The following SMOX variants were observed in gnomAD, a reference collection of about 807,000 sequenced individuals.
The protein encoded by SMOX is spermine oxidase.
In SMOX, 22 loss-of-function variants were observed where a neutral mutation model predicts 51.0. That is an observed-to-expected ratio of 0.43 (90% CI 0.31 to 0.62). The LOEUF (loss-of-function observed/expected upper bound fraction) is 0.62, where lower values mean the gene tolerates loss of function less well. Among genes scored for constraint, SMOX ranks in the 20% least tolerant of loss-of-function variants. SMOX has a pLI of 0.10. For missense variants in SMOX, 566 were observed against 777.7 expected (o/e 0.73, Z 3.24); for synonymous variants, 282 against 307.8 (o/e 0.92, Z 0.88).
intron 1 of SMOX, among the ~76,000 whole-genome samples, chr20:4,150,953 T>A (rs1474526611): frequency 6.7e-6 from 1 of 149,290 alleles, no homozygotes; most frequent in African/African-American, 2.5e-5. Context: ...TGCCTCAGCC[T>A]CCCAAGTAGC....
intron 3 of SMOX, among the ~76,000 whole-genome samples, chr20:4,179,555 C>G (rs1445685254): frequency 2.0e-5 from 3 of 152,000 alleles, no homozygotes; most frequent in African/African-American, 7.3e-5. Flanking sequence ...GTATGCAGCC[C>G]CCAAAGATGA....
At chr20:4,157,039 G>A (rs2122388930) in intron 1 of SMOX, among the ~76,000 whole-genome samples, 1 of 152,274 alleles carries the variant, frequency 6.6e-6, no homozygotes, top group Admixed American at 6.5e-5. Flanking sequence ...CGCTGTGCCC[G>A]GCCATCTTCT....
At chr20:4,180,459 T>C (rs562106205) in intron 3 of SMOX, among the ~76,000 whole-genome samples, 2 of 152,312 alleles carry the variant, frequency 1.3e-5, no homozygotes, top group South Asian at 2.1e-4. Context: ...AAACCATTCA[T>C]CAGCTCAGCC....
chr20:4,152,962 G>A (rs536312476), intron 1 of SMOX, among the ~76,000 whole-genome samples: 6 of 152,284 alleles, frequency 3.9e-5, no homozygotes, highest in African/African-American at 1.2e-4. Context: ...CTTGAAATCG[G>A]TCCACTCTGC....
At chr20:4,169,815 G>C (rs549588105) in intron 1 of SMOX, among the ~76,000 whole-genome samples, 30 of 152,310 alleles carry the variant, frequency 2.0e-4, no homozygotes, top group African/African-American at 7.2e-4. Flanking sequence ...TGCATACTAA[G>C]AGAACCCAGA....
chr20:4,157,961 C>T (rs893276429), intron 1 of SMOX, among the ~76,000 whole-genome samples: 10 of 152,042 alleles, frequency 6.6e-5, no homozygotes, highest in South Asian at 2.1e-4. Context: ...AGTGCAGCGG[C>T]GCGATCTCGG....
At chr20:4,158,810 G>C (rs909913476) in intron 1 of SMOX, among the ~76,000 whole-genome samples, 8 of 151,918 alleles carry the variant, frequency 5.3e-5, no homozygotes, top group Non-Finnish European at 1.0e-4. Context: ...CCAGATCTCC[G>C]GGACAGCCCA....
intron 1 of SMOX, among the ~76,000 whole-genome samples, chr20:4,156,528 T>G (rs1765008): frequency 0.48 from 72,487 of 151,964 alleles, 17,603 homozygotes; most frequent in Admixed American, 0.54. Context: ...CAGTGCCTGG[T>G]GGGACCTCAA....
At position 4,181,767 on chromosome 20, in the gene SMOX, T is replaced by G. The variant is rs371671937; in HGVS notation, c.436-36T>G. The G allele has an allele frequency of 5.6e-6, 9 of 1,602,370 alleles. No individual in the cohort carries two copies. Among genetic ancestry groups the G allele is most frequent in the Non-Finnish European group, 7.7e-6 (9 of 1,173,548 alleles). On this transcript the variant is annotated intron_variant, in intron 3 of 6. Transcript: ENST00000305958. The surrounding 1 kb of genome is among the most constrained non-coding windows in gnomAD (Gnocchi z 5.6). ...CCTTCTGTTTGAGATGGAGGTGTGA[T>G]GAGGTGTTTTCAGTCTCATGGGGTC...
At chr20:4,176,579 A>T (rs1978873278) in intron 2 of SMOX, among the ~76,000 whole-genome samples, 1 of 152,032 alleles carries the variant, frequency 6.6e-6, no homozygotes, top group African/African-American at 2.4e-5. Context: ...CTTCCCTGGG[A>T]GCTAGGTAGG....
intron 1 of SMOX, among the ~76,000 whole-genome samples, chr20:4,161,319 T>C (rs1330054186): frequency 2.6e-5 from 4 of 152,116 alleles, no homozygotes; most frequent in African/African-American, 9.7e-5. Context: ...TGCCTGGCCC[T>C]GTGATGGCAG....
intron 1 of SMOX, among the ~76,000 whole-genome samples, chr20:4,161,823 T>C (rs1986337868): frequency 6.6e-6 from 1 of 152,180 alleles, no homozygotes; most frequent in Admixed American, 6.5e-5. Flanking sequence ...AGAAACCTTT[T>C]TGAATGAACG....
chr20:4,158,045 C>T (rs548319411), intron 1 of SMOX, among the ~76,000 whole-genome samples: 28 of 150,602 alleles, frequency 1.9e-4, no homozygotes, highest in Non-Finnish European at 3.1e-4. Context: ...GGACTACAGG[C>T]GCCCGCCACC....
chr20:4,161,858 G>A (rs1419649142), intron 1 of SMOX, among the ~76,000 whole-genome samples: 1 of 152,178 alleles, frequency 6.6e-6, no homozygotes, highest in Non-Finnish European at 1.5e-5. Context: ...TGCTACTCCC[G>A]TCCCTGCCTT....
intron 2 of SMOX, 40 bp downstream of exon 2, chr20:4,175,303 C>T (rs774048650): frequency 1.3e-6 from 2 of 1,582,930 alleles, no homozygotes; most frequent in Non-Finnish European, 8.7e-7. Flanking sequence ...CTCCCCAGGT[C>T]ACCTTTAGTC....
chr20:4,181,926 C>T lies in SMOX; in HGVS notation c.559C>T (p.Pro187Ser). 1 of 1,614,004 alleles carries T rather than the reference C, an allele frequency of 6.2e-7. No homozygotes were observed. The highest frequency in any genetic ancestry group is 8.5e-7 in the Non-Finnish European group (1 of 1,180,018). ...CCGCATCAGGAATGACCCTGACGAC[C>T]CAGAGGCTACCAAGCGCCTGAAGCT... ...RNRIRNDPDDPEATKRLKLAM... is the reference protein window; with the variant it reads ...RNRIRNDPDDSEATKRLKLAM... The change falls in exon 4 of 7, where the codon CCA (proline) becomes TCA (serine). Residue 187 changes from proline (P) to serine (S), a missense_variant. Physicochemically the swap from Pro to Ser is moderately conservative, Grantham distance 74. This residue lies in a region of SMOX where 217 missense variants were observed against 278.4 expected (regional missense o/e 0.78). Coordinates refer to ENST00000305958, the MANE Select transcript of SMOX (RefSeq NM_175839.3). The surrounding 1 kb of genome is among the most constrained non-coding windows in gnomAD (Gnocchi z 5.6).
intron 1 of SMOX, among the ~76,000 whole-genome samples, chr20:4,161,713 C>T (rs772181941): frequency 3.9e-5 from 6 of 152,220 alleles, no homozygotes; most frequent in South Asian, 2.1e-4. Flanking sequence ...CCTGTCTCCC[C>T]GCCCTGCTTT....
intron 1 of SMOX, among the ~76,000 whole-genome samples, chr20:4,155,481 CTCTCTGAGGTGTCA>C (rs1183273640): frequency 1.3e-5 from 2 of 152,124 alleles, no homozygotes. Flanking sequence ...GTGTCTGCTC[CTCTCTGAGGTGTCA>C]GTCTCCTCAT....
At chr20:4,174,965 G>T (rs1978714452) in intron 1 of SMOX, 65 bp from the exon 2 acceptor site, 2 of 1,494,320 alleles carry the variant, frequency 1.3e-6, no homozygotes, top group Non-Finnish European at 1.8e-6. Context: ...AGCCCTGAGT[G>T]TCCCTTGGGG....
Sources: gnomAD v4.1 joint callset for allele counts (sites outside exome capture counted in the v4.1 genomes callset) on GRCh38, gnomAD v4.1.1 for gene constraint, gnomAD v4.1.1 regional missense constraint, Gnocchi (gnomAD v3.1) non-coding constraint, MANE v1.5 for transcripts, NCBI Gene and HGNC (gene_info 2026-07-23, HGNC 2026-07-21) for gene names.